KLF12: variants seen among roughly 807,000 people sequenced by gnomAD.
The protein encoded by KLF12 is Krueppel-like factor 12.
A neutral mutation model predicts 37.8 loss-of-function variants in KLF12; 9 were observed. That is an observed-to-expected ratio of 0.24 (90% CI 0.14 to 0.42). The LOEUF (loss-of-function observed/expected upper bound fraction) is 0.42, where lower values mean the gene tolerates loss of function less well. Ranked by LOEUF, KLF12 falls within the 10% of genes least tolerant of loss-of-function variation. KLF12 has a pLI of 1.00. For synonymous variants in KLF12, 208 were observed against 202.1 expected, an observed-to-expected ratio of 1.03 and a Z score of -0.25; for missense variants, 411 against 516.0, an observed-to-expected ratio of 0.80 and a Z score of 1.97.
chr13:74,116,925 C>T lies in KLF12; in HGVS notation c.-32+16814G>A, dbSNP rs998259176. The stretch of plus-strand genomic sequence containing the variant: ...TAATGAAAAGTTAGCCAAGAGCAAA[C>T]GTAAGAAAAATGTCAATCAACTTGC... On this transcript the variant is annotated intron_variant, in intron 1 of 7. Transcript: ENST00000377669. Among the ~76,000 whole-genome samples, 9 of 151,972 alleles carry T rather than the reference C, an allele frequency of 5.9e-5. No homozygotes were observed. In the East Asian group the frequency reaches 1.4e-3, roughly 23 times the overall value.
At chr13:73,998,474 G>A (rs1030841096) in intron 1 of KLF12, among the ~76,000 whole-genome samples, 2 of 152,114 alleles carry the variant, frequency 1.3e-5, no homozygotes, top group African/African-American at 2.4e-5. Flanking sequence ...ATTGAATGGT[G>A]GTGCTGATAT....
chr13:73,716,105 T>A (rs1052286779), intron 6 of KLF12, among the ~76,000 whole-genome samples: 2 of 152,206 alleles, frequency 1.3e-5, no homozygotes, highest in Non-Finnish European at 2.9e-5. Flanking sequence ...CTTTTCTAGT[T>A]GGAGTTTCTT....
At chr13:73,708,968 G>T (rs540305072) in intron 7 of KLF12, among the ~76,000 whole-genome samples, 1 of 152,278 alleles carries the variant, frequency 6.6e-6, no homozygotes, top group Middle Eastern at 3.4e-3. Context: ...ACAATAATGT[G>T]TATGTGATGG....
At chr13:74,304,286 T>C in the KLF12 span, among the ~76,000 whole-genome samples, 1 of 152,194 alleles carries the variant, frequency 6.6e-6, no homozygotes, top group African/African-American at 2.4e-5. Context: ...GAAATTTTTT[T>C]TCTCTTCATC....
At chr13:73,921,435 T>C (rs570357180) in intron 3 of KLF12, among the ~76,000 whole-genome samples, 13 of 152,322 alleles carry the variant, frequency 8.5e-5, no homozygotes, top group African/African-American at 2.4e-4. Flanking sequence ...TAAATACTTA[T>C]GTATTAATAT....
intron 1 of KLF12, among the ~76,000 whole-genome samples, chr13:74,108,172 CTCTT>C (rs1282138022): frequency 1.3e-5 from 2 of 152,002 alleles, no homozygotes; most frequent in African/African-American, 4.8e-5. Context: ...TGTCCCTCAT[CTCTT>C]TGAGTATATG....
At chr13:73,714,340 A>ATGCTAAT (rs1875634323) in intron 7 of KLF12, among the ~76,000 whole-genome samples, 1 of 152,206 alleles carries the variant, frequency 6.6e-6, no homozygotes, top group African/African-American at 2.4e-5. Flanking sequence ...ATGGAAAATG[A>ATGCTAAT]TGCTAATTTC....
At chr13:73,968,550 T>C (rs1417264120) in intron 2 of KLF12, among the ~76,000 whole-genome samples, 1 of 152,222 alleles carries the variant, frequency 6.6e-6, no homozygotes, top group African/African-American at 2.4e-5. Flanking sequence ...TCGTCATCTA[T>C]GCTTGTCAGC....
At chr13:73,894,292 C>A (rs1887653028) in intron 3 of KLF12, among the ~76,000 whole-genome samples, 1 of 152,176 alleles carries the variant, frequency 6.6e-6, no homozygotes, top group African/African-American at 2.4e-5. Flanking sequence ...ACAAACCATG[C>A]ACACCAATGT....
At chr13:74,110,580 G>T (rs1876914877) in intron 1 of KLF12, among the ~76,000 whole-genome samples, 1 of 152,052 alleles carries the variant, frequency 6.6e-6, no homozygotes, top group African/African-American at 2.4e-5. Flanking sequence ...ATGCAAAACA[G>T]GTATTTTTCC....
intron 2 of KLF12, among the ~76,000 whole-genome samples, chr13:73,962,866 G>T (rs889229265): frequency 6.6e-6 from 1 of 152,128 alleles, no homozygotes; most frequent in African/African-American, 2.4e-5. Context: ...AACCACGATT[G>T]CCAAGTCTAT....
intron 6 of KLF12, among the ~76,000 whole-genome samples, chr13:73,726,169 T>C (rs1876654868): frequency 6.6e-6 from 1 of 152,162 alleles, no homozygotes; most frequent in Non-Finnish European, 1.5e-5. Context: ...GGGTTTTTAA[T>C]AGTAATTACT....
chr13:74,283,820 G>T, the KLF12 span, among the ~76,000 whole-genome samples: 1 of 151,350 alleles, frequency 6.6e-6, no homozygotes, highest in African/African-American at 2.4e-5. Flanking sequence ...TGAGACTGAG[G>T]CTTTTGGCAA....
chr13:74,059,631 GT>G (rs937830244), intron 1 of KLF12, among the ~76,000 whole-genome samples: 12 of 151,826 alleles, frequency 7.9e-5, no homozygotes, highest in African/African-American at 2.2e-4. Context: ...TTTTAATGGA[GT>G]TTTTTTTCTT....
chr13:74,027,957 T>C lies in KLF12; in HGVS notation c.-31-32904A>G, dbSNP rs190329777. ...ATCCAAAACAGTATGTCAACAATTA[T>C]TTCTGTCCCTTGTAAAGAAAGAAGA... On this transcript the variant is annotated intron_variant, in intron 1 of 7. Transcript: ENST00000377669. 3.1e-3 allele frequency among the ~76,000 whole-genome samples: 466 copies of C among 152,314 alleles called. 6 individuals carry two copies. The highest frequency in any genetic ancestry group is 3.5e-3 in the Non-Finnish European group (235 of 68,020).
rs537098197 is a variant in KLF12, at chr13:73,835,122, G to A, written c.670+10705C>T. ...AGTCCTAAAAAATTTTCATACTCTC[G>A]AAGTCTAAAAACAAAGTAGATAACT... On this transcript the variant is annotated intron_variant, in intron 4 of 7. Coordinates refer to ENST00000377669, the MANE Select transcript of KLF12 (RefSeq NM_007249.5). 2.0e-5 allele frequency among the ~76,000 whole-genome samples: 3 copies of A among 146,506 alleles called. 1 individual carries two copies. In the South Asian group the frequency reaches 6.4e-4, roughly 31 times the overall value.
At chr13:74,285,752 A>T in the KLF12 span, among the ~76,000 whole-genome samples, 108,147 of 152,078 alleles carry the variant, frequency 0.71, 39,642 homozygotes, top group South Asian at 0.88. Flanking sequence ...TTCATCTGTG[A>T]AATGGGAAGG....
At chr13:73,738,124 T>TATATATATATATATATATACACACAC (rs1305200790) in intron 6 of KLF12, among the ~76,000 whole-genome samples, 3 of 81,932 alleles carry the variant, frequency 3.7e-5, no homozygotes, top group Non-Finnish European at 6.5e-5. Context: ...TATATATATA[T>TATATATATATATATATATACACACAC]ACACACACAC....
chr13:73,719,423 C>CAA (rs368511840), intron 6 of KLF12, among the ~76,000 whole-genome samples: 82,179 of 144,242 alleles, frequency 0.57, 23,796 homozygotes, highest in East Asian at 0.67. Flanking sequence ...TGTGGGCATT[C>CAA]AAAAAAAAAA....
Sources: allele counts gnomAD v4.1 joint callset (sites outside exome capture counted in the v4.1 genomes callset), GRCh38; gene constraint gnomAD v4.1.1; transcripts MANE v1.5; gene names NCBI Gene and HGNC (gene_info 2026-07-23, HGNC 2026-07-21).